Variants in PLAC1 observed in about 807,000 individuals in gnomAD.
The protein encoded by PLAC1 is placenta-specific protein 1.
For synonymous variants in PLAC1, 68 were observed against 62.1 expected, an observed-to-expected ratio of 1.09 and a Z score of -0.44; for missense variants, 136 against 163.2, an observed-to-expected ratio of 0.83 and a Z score of 0.91.
chrX:134,568,694 G>A (rs1428569532), intron 2 of PLAC1, among the ~76,000 whole-genome samples: 1 of 110,615 alleles, frequency 9.0e-6, no homozygotes, highest in Non-Finnish European at 1.9e-5. Context: ...TCTCTCCCCC[G>A]CACCAAAAAT....
intron 2 of PLAC1, among the ~76,000 whole-genome samples, chrX:134,712,430 G>A (rs1174957550): frequency 9.0e-6 from 1 of 111,226 alleles, no homozygotes; most frequent in African/African-American, 3.3e-5. Flanking sequence ...GCTACCTCTT[G>A]GGTCACATTC....
chrX:134,752,691 T>C (rs2078747555), intron 1 of PLAC1, among the ~76,000 whole-genome samples: 2 of 111,327 alleles, frequency 1.8e-5, no homozygotes, highest in Admixed American at 1.9e-4. Context: ...ACTTAAAGAC[T>C]ACCAGGCCCT....
chrX:134,728,971 C>G (rs1453584870), intron 2 of PLAC1, among the ~76,000 whole-genome samples: 1 of 111,078 alleles, frequency 9.0e-6, no homozygotes, highest in African/African-American at 3.3e-5. Context: ...ATTGCAGAGC[C>G]CATAAGTTTA....
At chrX:134,590,682 A>C (rs1342684014) in intron 2 of PLAC1, among the ~76,000 whole-genome samples, 1 of 111,266 alleles carries the variant, frequency 9.0e-6, no homozygotes, top group Non-Finnish European at 1.9e-5. Flanking sequence ...ATCTTGGCTC[A>C]CAGCAACCTC....
intron 2 of PLAC1, among the ~76,000 whole-genome samples, chrX:134,669,607 G>A (rs2078448530): frequency 8.9e-6 from 1 of 112,191 alleles, no homozygotes; most frequent in Admixed American, 9.4e-5. Flanking sequence ...TCCCGGAGGG[G>A]AGCCTTGCAG....
intron 1 of PLAC1, among the ~76,000 whole-genome samples, chrX:134,744,188 A>G (rs976908564): frequency 3.6e-5 from 4 of 109,679 alleles, no homozygotes; most frequent in African/African-American, 1.3e-4. Flanking sequence ...AGGCTGAGGC[A>G]GAAGAATTGC....
chrX:134,590,057 T>C lies in PLAC1; in HGVS notation c.-59+11994A>G, dbSNP rs1279110029. The stretch of plus-strand genomic sequence containing the variant: ...AAAAATACAAAAAATTAGCCGGGCG[T>C]GGTGGTACGTGCCTGTAGTCCCAGC... On this transcript the variant is annotated intron_variant, in intron 2 of 2. Transcript: ENST00000359237. Among the ~76,000 whole-genome samples, 3 of 109,168 alleles carry C rather than the reference T, an allele frequency of 2.7e-5. No homozygotes were observed. In the East Asian group the frequency reaches 8.6e-4, roughly 31 times the overall value. 94.8% of individuals were successfully genotyped at this position (109,168 alleles called of 115,157 possible). A position where few individuals can be genotyped will look rare whatever the true frequency, so the allele number is the denominator to read the frequency against.
chrX:134,711,145 T>C (rs1003684480), intron 2 of PLAC1, among the ~76,000 whole-genome samples: 1 of 111,947 alleles, frequency 8.9e-6, no homozygotes, highest in Non-Finnish European at 1.9e-5. Context: ...TTTCCTCCTA[T>C]GTACTAGTCC....
intron 1 of PLAC1, among the ~76,000 whole-genome samples, chrX:134,738,789 G>A (rs1271277203): frequency 8.9e-6 from 1 of 112,485 alleles, no homozygotes. Context: ...CCACCAAAAT[G>A]CCAGAGTAGA....
chrX:134,667,430 C>T (rs1480498157), intron 2 of PLAC1, among the ~76,000 whole-genome samples: 1 of 111,889 alleles, frequency 8.9e-6, no homozygotes, highest in Non-Finnish European at 1.9e-5. Context: ...AAAATATGCT[C>T]GACATCAATA....
chrX:134,730,556 C>T (rs938661779), intron 2 of PLAC1, among the ~76,000 whole-genome samples: 2 of 110,426 alleles, frequency 1.8e-5, no homozygotes, highest in African/African-American at 3.3e-5. Flanking sequence ...GCGATCCTCC[C>T]GCCTCAGCCT....
At position 134,747,837 on chromosome X, in the gene PLAC1, C is replaced by T. The variant is rs151204898; in HGVS notation, n.90-14318G>A. On this transcript the variant is annotated intron_variant and non_coding_transcript_variant, in intron 1 of 2. Coordinates refer to the PLAC1 transcript ENST00000466797. ...AGCCAGGAAAGGACTTCAAAATTAT[C>T]CAGTATGGCTTCCCACCCTAGACAA... is the stretch of plus-strand genomic sequence containing the variant. Among the ~76,000 whole-genome samples the T allele has an allele frequency of 4.3e-3, 483 of 111,826 alleles. 4 individuals carry two copies. The highest frequency in any genetic ancestry group is 0.015 in the African/African-American group (463 of 30,794).
At chrX:134,726,563 G>C (rs180812322) in intron 2 of PLAC1, among the ~76,000 whole-genome samples, 1 of 111,525 alleles carries the variant, frequency 9.0e-6, no homozygotes, top group Non-Finnish European at 1.9e-5. Flanking sequence ...TGTGGCTCAC[G>C]CCTGTAATCC....
chrX:134,590,585 CT>C (rs201290738), intron 2 of PLAC1, among the ~76,000 whole-genome samples: 1,672 of 111,865 alleles, frequency 0.015, 34 homozygotes, highest in African/African-American at 0.051. Context: ...CTAACCTATT[CT>C]CGGGATCTGG....
intron 1 of PLAC1, among the ~76,000 whole-genome samples, chrX:134,614,382 C>T (rs4240134): frequency 0.56 from 61,093 of 109,840 alleles, 14,224 homozygotes; most frequent in Non-Finnish European, 0.75. Context: ...ACTCCACTCT[C>T]TTAGGAAATT....
chrX:134,690,899 G>A (rs1444223590), intron 2 of PLAC1, among the ~76,000 whole-genome samples: 3 of 80,226 alleles, frequency 3.7e-5, no homozygotes, highest in Non-Finnish European at 6.6e-5. Context: ...CCGAAATCGC[G>A]CCACTGCACT....
At chrX:134,754,091 T>C (rs1263987966) in intron 1 of PLAC1, among the ~76,000 whole-genome samples, 8 of 112,358 alleles carry the variant, frequency 7.1e-5, no homozygotes, top group African/African-American at 1.9e-4. Flanking sequence ...ATTTTCACTT[T>C]AAACTTTTTT....
At chrX:134,575,726 G>A (rs1300674100) in intron 2 of PLAC1, among the ~76,000 whole-genome samples, 2 of 101,801 alleles carry the variant, frequency 2.0e-5, no homozygotes, top group African/African-American at 7.3e-5. Context: ...CTGAGATGGC[G>A]CCACTGCACT....
At chrX:134,709,301 A>G (rs966757802) in intron 2 of PLAC1, among the ~76,000 whole-genome samples, 4 of 112,355 alleles carry the variant, frequency 3.6e-5, no homozygotes, top group Non-Finnish European at 5.6e-5. Context: ...TGAAGGGCAC[A>G]TTGTTAAGGC....
Sources: allele counts gnomAD v4.1 joint callset (sites outside exome capture counted in the v4.1 genomes callset), GRCh38; gene constraint gnomAD v4.1.1; transcripts MANE v1.5; gene names NCBI Gene and HGNC (gene_info 2026-07-23, HGNC 2026-07-21).